Variants in MTPN observed in about 807,000 individuals in gnomAD.
MTPN encodes granule cell differentiation protein.
In MTPN, 2 loss-of-function variants were observed where a neutral mutation model predicts 13.5. That is an observed-to-expected ratio of 0.15 (90% confidence interval 0.06 to 0.47). MTPN has a LOEUF of 0.47. Ranked by LOEUF, MTPN falls within the 20% of genes least tolerant of loss-of-function variation. MTPN has a pLI of 0.97. For synonymous variants in MTPN, 46 were observed against 51.7 expected, an observed-to-expected ratio of 0.89 and a Z score of 0.48; for missense variants, 79 against 137.9, an observed-to-expected ratio of 0.57 and a Z score of 2.14.
intron 3 of MTPN, among the ~76,000 whole-genome samples, chr7:135,938,681 A>C (rs1217588998): frequency 6.6e-6 from 1 of 152,236 alleles, no homozygotes; most frequent in East Asian, 1.9e-4. Context: ...TCAAAATTAA[A>C]TCAGAAACAG....
intron 1 of MTPN, among the ~76,000 whole-genome samples, chr7:135,955,616 G>A (rs1799431100): frequency 6.6e-6 from 1 of 152,124 alleles, no homozygotes; most frequent in Admixed American, 6.5e-5. Context: ...AGACAAAGAT[G>A]TTATAAGAAA....
intron 1 of MTPN, among the ~76,000 whole-genome samples, chr7:135,966,736 A>C (rs1275300661): frequency 1.3e-5 from 2 of 152,166 alleles, no homozygotes; most frequent in Non-Finnish European, 2.9e-5. Context: ...AGACGCATCC[A>C]ATTAGTCATG....
intron 1 of MTPN, among the ~76,000 whole-genome samples, chr7:135,965,839 C>T (rs200448731): frequency 1.3e-5 from 2 of 152,058 alleles, no homozygotes; most frequent in East Asian, 1.9e-4. Context: ...TGTTAACATA[C>T]AAAGTGGTAT....
At chr7:135,951,426 T>C (rs1799362250) in intron 2 of MTPN, 91 bp downstream of exon 2, 1 of 638,680 alleles carries the variant, frequency 1.6e-6, no homozygotes, top group African/African-American at 1.8e-5. Context: ...ATGAAGTTTC[T>C]ACAAATAGCT....
chr7:135,950,451 C>T (rs1799349301), intron 3 of MTPN, 148 bp downstream of exon 3: 3 of 645,376 alleles, frequency 4.6e-6, no homozygotes, highest in African/African-American at 1.8e-5. Context: ...TATGGGCCAG[C>T]TATTTTGAGT....
At chr7:135,954,002 A>T (rs1799403387) in intron 1 of MTPN, among the ~76,000 whole-genome samples, 1 of 150,766 alleles carries the variant, frequency 6.6e-6, no homozygotes. Context: ...CTATATAAGG[A>T]TGTATAATGT....
chr7:135,935,235 A>G, intron 3 of MTPN, among the ~76,000 whole-genome samples: 1 of 149,914 alleles, frequency 6.7e-6, no homozygotes, highest in East Asian at 2.0e-4. Context: ...GGATGCAATG[A>G]TTTCTTTCTT....
At chr7:135,930,185 T>C (rs1798996257) in intron 3 of MTPN, among the ~76,000 whole-genome samples, 173 bp from the exon 4 acceptor site, 1 of 152,226 alleles carries the variant, frequency 6.6e-6, no homozygotes, top group Non-Finnish European at 1.5e-5. Flanking sequence ...ATGGATTAAT[T>C]ATAAAAATGC....
At chr7:135,940,221 A>T (rs1331802617) in intron 3 of MTPN, among the ~76,000 whole-genome samples, 1 of 152,214 alleles carries the variant, frequency 6.6e-6, no homozygotes, top group Non-Finnish European at 1.5e-5. Context: ...TTACCATAGA[A>T]CTTAAACATA....
chr7:135,969,254 G>GA (rs1361054424), intron 1 of MTPN, among the ~76,000 whole-genome samples: 5 of 119,106 alleles, frequency 4.2e-5, no homozygotes, highest in East Asian at 2.5e-4. Context: ...AAAAAAAAAA[G>GA]AAAAAAAAAA....
chr7:135,969,254 G>C (rs79789237), intron 1 of MTPN, among the ~76,000 whole-genome samples: 1 of 119,082 alleles, frequency 8.4e-6, no homozygotes, highest in Non-Finnish European at 1.8e-5. Context: ...AAAAAAAAAA[G>C]AAAAAAAAAA....
chr7:135,967,169 CGCT>C (rs1177507076), intron 1 of MTPN, among the ~76,000 whole-genome samples: 1 of 151,970 alleles, frequency 6.6e-6, no homozygotes, highest in Non-Finnish European at 1.5e-5. Context: ...TTTCTTAAGC[CGCT>C]GTTTTTCAAA....
rs1331787256 is a variant in MTPN at position 135,939,578 on chromosome 7, G to T, written c.271-9566C>A. 3.8e-4 allele frequency among the ~76,000 whole-genome samples: 40 copies of T among 104,376 alleles called. 2 individuals are homozygous for T. Among genetic ancestry groups the T allele is most frequent in the Non-Finnish European group, 4.4e-4 (22 of 49,540 alleles). 68.5% of individuals were successfully genotyped at this position (104,376 alleles called of 152,430 possible). ...ATAAGGATTGGGGAAAATGGGGGCG[G>T]GGGGGGGGGGCGGGTGCGTGGGGCG... is the stretch of plus-strand genomic sequence containing the variant. On this transcript the variant is annotated intron_variant, in intron 3 of 3. Coordinates refer to ENST00000393085, the MANE Select transcript of MTPN (RefSeq NM_145808.4).
intron 1 of MTPN, among the ~76,000 whole-genome samples, chr7:135,973,266 T>C (rs1271786461): frequency 6.8e-6 from 1 of 146,292 alleles, no homozygotes; most frequent in Non-Finnish European, 1.5e-5. Flanking sequence ...TATTTTCTTA[T>C]AGTCAAGAAA....
At chr7:135,931,864 T>C (rs1799026786) in intron 3 of MTPN, among the ~76,000 whole-genome samples, 2 of 152,184 alleles carry the variant, frequency 1.3e-5, no homozygotes, top group African/African-American at 4.8e-5. Flanking sequence ...AACAGTTATA[T>C]ATATAGATGG....
At chr7:135,946,308 A>T (rs531574062) in intron 3 of MTPN, among the ~76,000 whole-genome samples, 1 of 152,360 alleles carries the variant, frequency 6.6e-6, no homozygotes, top group East Asian at 1.9e-4. Flanking sequence ...TGGCTACATT[A>T]AAAAATCTTT....
chr7:135,963,806 GACT>G (rs1196618480), intron 1 of MTPN, among the ~76,000 whole-genome samples: 1 of 151,774 alleles, frequency 6.6e-6, no homozygotes, highest in Non-Finnish European at 1.5e-5. Context: ...TTTCAAAAAT[GACT>G]ACTTCAGTCA....
chr7:135,958,762 C>T (rs904641738), intron 1 of MTPN, among the ~76,000 whole-genome samples: 2 of 152,186 alleles, frequency 1.3e-5, no homozygotes, highest in African/African-American at 4.8e-5. Context: ...ATTTGAGTCA[C>T]TAATGGGTCA....
At chr7:135,976,924 T>TGCAG in intron 1 of MTPN, 105 bp downstream of exon 1, 1 of 724,844 alleles carries the variant, frequency 1.4e-6, no homozygotes, top group Non-Finnish European at 2.5e-6. Flanking sequence ...AGGAAGTCTC[T>TGCAG]CCTCCCGCCC....
Sources: gnomAD v4.1 joint callset for allele counts (sites outside exome capture counted in the v4.1 genomes callset) on GRCh38, gnomAD v4.1.1 for gene constraint, MANE v1.5 for transcripts, NCBI Gene and HGNC (gene_info 2026-07-23, HGNC 2026-07-21) for gene names.